AKAP13: variants seen among roughly 807,000 people sequenced by gnomAD.
The protein encoded by AKAP13 is A-kinase anchor protein 13.
AKAP13 carries 80 observed loss-of-function variants against 264.5 expected under a neutral mutation model. That is an observed-to-expected ratio of 0.30 (90% CI 0.25 to 0.36). AKAP13 has a LOEUF of 0.36. Ranked by LOEUF, AKAP13 falls within the 10% of genes least tolerant of loss-of-function variation. AKAP13 has a pLI of 1.00. For missense variants in AKAP13, 3,712 were observed against 3,435.2 expected (o/e 1.08, Z -2.01); for synonymous variants, 1,380 against 1,250.2 (o/e 1.10, Z -2.19).
intron 1 of AKAP13, among the ~76,000 whole-genome samples, chr15:85,409,554 C>G (rs2071842488): frequency 6.6e-6 from 1 of 150,718 alleles, no homozygotes; most frequent in East Asian, 1.9e-4. Flanking sequence ...ATAAGAGTTG[C>G]TAGAATTTTC....
intron 1 of AKAP13, among the ~76,000 whole-genome samples, chr15:85,438,103 A>G (rs972123686): frequency 8.1e-5 from 12 of 147,498 alleles, no homozygotes; most frequent in South Asian, 4.4e-4. Context: ...TAAGCTGATA[A>G]GCAACTTCAG....
chr15:85,574,178 G>A (rs1047276608), intron 5 of AKAP13, among the ~76,000 whole-genome samples: 3 of 152,166 alleles, frequency 2.0e-5, no homozygotes, highest in Admixed American at 1.3e-4. Flanking sequence ...TGTAGAAGAG[G>A]GTGCTTAACA....
chr15:85,463,574 T>G (rs535180459), intron 1 of AKAP13, among the ~76,000 whole-genome samples: 1 of 152,326 alleles, frequency 6.6e-6, no homozygotes, highest in Admixed American at 6.5e-5. Flanking sequence ...CAGGGCTGGT[T>G]TCTTTCGGAG....
chr15:85,635,573 G>A (rs543387793), intron 8 of AKAP13, among the ~76,000 whole-genome samples: 3 of 152,114 alleles, frequency 2.0e-5, no homozygotes, highest in South Asian at 4.2e-4. Context: ...GGTTGACATA[G>A]ATTTATCCTT....
chr15:85,537,097 C>G (rs915458544), intron 4 of AKAP13: 5 of 152,188 alleles, frequency 3.3e-5, no homozygotes, highest in African/African-American at 1.2e-4. Context: ...ATCTGATTTT[C>G]TGTGCTCAGT....
intron 14 of AKAP13, chr15:85,676,992 G>A: frequency 1.0e-6 from 1 of 985,458 alleles, no homozygotes; most frequent in Admixed American, 6.1e-5. Flanking sequence ...AGCAGATGCG[G>A]CCAGCAAGGC....
At chr15:85,654,213 T>C (rs1447598027) in intron 10 of AKAP13, among the ~76,000 whole-genome samples, 3 of 152,226 alleles carry the variant, frequency 2.0e-5, no homozygotes, top group Non-Finnish European at 1.5e-5. Flanking sequence ...AATGTATAGC[T>C]TTCTTCCATT....
At chr15:85,615,828 A>G (rs1229822956) in intron 8 of AKAP13, among the ~76,000 whole-genome samples, 1 of 152,212 alleles carries the variant, frequency 6.6e-6, no homozygotes, top group Non-Finnish European at 1.5e-5. Context: ...GACTGGCAGT[A>G]TATAATATTA....
intron 8 of AKAP13, among the ~76,000 whole-genome samples, chr15:85,631,100 G>A (rs1403575380): frequency 6.6e-6 from 1 of 151,818 alleles, no homozygotes; most frequent in Non-Finnish European, 1.5e-5. Context: ...GGAAATAAAA[G>A]AAGTAAAGTA....
chr15:85,609,312 T>G (rs1181285377), intron 8 of AKAP13, among the ~76,000 whole-genome samples: 1 of 152,212 alleles, frequency 6.6e-6, no homozygotes, highest in Non-Finnish European at 1.5e-5. Flanking sequence ...GTTGTACTCT[T>G]TATTTCTGTG....
At chr15:85,510,779 T>C (rs2076390513) in intron 2 of AKAP13, among the ~76,000 whole-genome samples, 1 of 152,230 alleles carries the variant, frequency 6.6e-6, no homozygotes, top group South Asian at 2.1e-4. Context: ...TGGTGTGGAA[T>C]TGAGTGTATC....
intron 3 of AKAP13, among the ~76,000 whole-genome samples, chr15:85,524,888 TG>T (rs2076969098): frequency 6.6e-6 from 1 of 151,170 alleles, no homozygotes; most frequent in African/African-American, 2.4e-5. Flanking sequence ...TGTGTGTGTG[TG>T]TGTGTGTGTG....
At chr15:85,650,256 C>T (rs1455394591) in intron 10 of AKAP13, among the ~76,000 whole-genome samples, 2 of 151,026 alleles carry the variant, frequency 1.3e-5, no homozygotes, top group Non-Finnish European at 3.0e-5. Flanking sequence ...ATAGTGAGAA[C>T]CTGTCTCCAG....
chr15:85,704,991 T>C (rs779377317), intron 17 of AKAP13, among the ~76,000 whole-genome samples: 26 of 152,164 alleles, frequency 1.7e-4, no homozygotes, highest in Non-Finnish European at 3.4e-4. Context: ...TTCAGCATGT[T>C]AAGGAGATGT....
At chr15:85,534,830 T>G (rs1006732436) in intron 4 of AKAP13, 2 of 152,244 alleles carry the variant, frequency 1.3e-5, no homozygotes. Flanking sequence ...TGACATCTAC[T>G]TGATGTCATA....
intron 14 of AKAP13, among the ~76,000 whole-genome samples, chr15:85,673,846 C>T (rs929292991): frequency 8.9e-5 from 12 of 134,534 alleles, no homozygotes; most frequent in Admixed American, 2.1e-4. Flanking sequence ...CCACCACACC[C>T]GGCTAATTTT....
In AKAP13 at chr15:85,575,230, A is replaced by C. The variant is rs916674834; in HGVS notation, c.762A>C (p.Thr254=). The C allele has an allele frequency of 6.2e-7, 1 of 1,614,178 alleles. No homozygotes were observed. The highest frequency in any genetic ancestry group is 8.5e-7 in the Non-Finnish European group (1 of 1,180,024). Residue 254 remains threonine (T), a synonymous_variant, in exon 6 of 37, where the codon ACA becomes ACC. Coordinates refer to ENST00000394518, the MANE Select transcript of AKAP13 (RefSeq NM_007200.5). ...ATCATCGAGAGTTGGACATCTATAC[A>C]TTAACCTCTGAGTCTGATTCACATC... ...VRHHRELDIY[T]LTSESDSHHE...
At chr15:85,722,462 C>T (rs2087347179) in intron 25 of AKAP13, 115 bp downstream of exon 25, 1 of 853,078 alleles carries the variant, frequency 1.2e-6, no homozygotes, top group Non-Finnish European at 1.8e-6. Flanking sequence ...CTAAAAGAGA[C>T]CTTGTGTTTT....
chr15:85,503,944 C>T (rs1284048317), intron 2 of AKAP13, among the ~76,000 whole-genome samples: 2 of 151,934 alleles, frequency 1.3e-5, no homozygotes, highest in Admixed American at 1.3e-4. Flanking sequence ...TCAGTGAGGG[C>T]TAGGTTTGTT....
Sources: allele counts gnomAD v4.1 joint callset (sites outside exome capture counted in the v4.1 genomes callset), GRCh38; gene constraint gnomAD v4.1.1; transcripts MANE v1.5; gene names NCBI Gene and HGNC (gene_info 2026-07-23, HGNC 2026-07-21).